The following PIR variants were observed in gnomAD, a reference collection of about 807,000 sequenced individuals.
PIR encodes pirin.
Under a neutral mutation model 24.2 loss-of-function variants are expected in PIR, and 22 were observed. The observed-to-expected ratio is 0.91, with a 90% CI of 0.65 to 1.30. The LOEUF is 1.30. Ranked by LOEUF, PIR falls within the 50% of genes most tolerant of loss-of-function variation. The pLI is 0.00. For missense variants in PIR, 220 were observed against 220.3 expected, an observed-to-expected ratio of 1.00 and a Z score of 0.01; for synonymous variants, 80 against 79.6, an observed-to-expected ratio of 1.00 and a Z score of -0.03.
In PIR at chrX:15,457,322, G is replaced by T. The variant is rs113062218; in HGVS notation, c.274-1268C>A. Among the ~76,000 whole-genome samples, 656 of 111,601 alleles carry T rather than the reference G, an allele frequency of 5.9e-3. 5 individuals carry two copies. The highest frequency in any genetic ancestry group is 0.02 in the African/African-American group (612 of 30,652). On this transcript the variant is annotated intron_variant, in intron 4 of 9. Transcript: ENST00000380420. Reference sequence around the variant, plus strand: ...CCTCAGACAGAGTAACAGCACTTGAGATGGTACTGTACACATACGGGGACC... The same window carrying T: ...CCTCAGACAGAGTAACAGCACTTGATATGGTACTGTACACATACGGGGACC...
At chrX:15,417,585 A>T (rs1204467202) in intron 6 of PIR, among the ~76,000 whole-genome samples, 1 of 111,690 alleles carries the variant, frequency 9.0e-6, no homozygotes, top group Admixed American at 9.5e-5. Flanking sequence ...TAAAGTAACA[A>T]AAATTTTTAT....
At chrX:15,488,464 C>G (rs762983733) in intron 2 of PIR, among the ~76,000 whole-genome samples, 1 of 109,870 alleles carries the variant, frequency 9.1e-6, no homozygotes, top group Non-Finnish European at 1.9e-5. Flanking sequence ...CAAAAATTCA[C>G]GAGTAAGAGA....
intron 8 of PIR, among the ~76,000 whole-genome samples, chrX:15,393,407 TA>T (rs1251686076): frequency 1.8e-5 from 2 of 111,721 alleles, no homozygotes; most frequent in Non-Finnish European, 3.8e-5. Flanking sequence ...ACTATAAATA[TA>T]AAACTCAAGA....
intron 5 of PIR, among the ~76,000 whole-genome samples, chrX:15,445,862 C>A (rs377100114): frequency 1.3e-5 from 1 of 79,386 alleles, no homozygotes; most frequent in East Asian, 4.2e-4. Context: ...CGGAGTCTCG[C>A]TCTGTCGCCC....
At chrX:15,417,106 T>C (rs1290206555) in intron 6 of PIR, among the ~76,000 whole-genome samples, 1 of 108,139 alleles carries the variant, frequency 9.2e-6, no homozygotes, top group Non-Finnish European at 1.9e-5. Context: ...CGCACGACCA[T>C]GCCTGGCTAA....
chrX:15,426,225 T>A (rs1925312977), intron 5 of PIR, among the ~76,000 whole-genome samples: 1 of 111,404 alleles, frequency 9.0e-6, no homozygotes, highest in Non-Finnish European at 1.9e-5. Context: ...GGATGACAGC[T>A]GTCTCCCTAC....
intron 3 of PIR, among the ~76,000 whole-genome samples, chrX:15,461,891 C>T (rs1320073444): frequency 6.2e-5 from 7 of 112,547 alleles, no homozygotes; most frequent in Non-Finnish European, 1.1e-4. Context: ...AAGCCCCATC[C>T]GGCTAATGGC....
intron 2 of PIR, among the ~76,000 whole-genome samples, chrX:15,490,754 A>G (rs1923109554): frequency 8.9e-6 from 1 of 111,783 alleles, no homozygotes; most frequent in African/African-American, 3.3e-5. Flanking sequence ...ATGCTCAACC[A>G]ATCAGATTCT....
At chrX:15,446,955 G>A (rs1227581831) in intron 5 of PIR, among the ~76,000 whole-genome samples, 1 of 112,390 alleles carries the variant, frequency 8.9e-6, no homozygotes, top group East Asian at 2.8e-4. Context: ...AGAACATGCT[G>A]TTCCTTTAAT....
At chrX:15,393,123 A>G (rs1424046509) in intron 8 of PIR, among the ~76,000 whole-genome samples, 1 of 112,168 alleles carries the variant, frequency 8.9e-6, no homozygotes, top group Non-Finnish European at 1.9e-5. Flanking sequence ...TCCACTTACT[A>G]CTTCACCCCA....
At chrX:15,439,196 T>C (rs1229308001) in intron 5 of PIR, among the ~76,000 whole-genome samples, 1 of 112,241 alleles carries the variant, frequency 8.9e-6, no homozygotes, top group Non-Finnish European at 1.9e-5. Flanking sequence ...AGAACTTCAC[T>C]GTCCAATACA....
intron 3 of PIR, among the ~76,000 whole-genome samples, chrX:15,470,249 T>C (rs1039564562): frequency 9.0e-6 from 1 of 111,506 alleles, no homozygotes; most frequent in Non-Finnish European, 1.9e-5. Context: ...CTTTTCAAGA[T>C]TGTTTTGAGG....
intron 4 of PIR, among the ~76,000 whole-genome samples, chrX:15,458,753 G>A (rs41455047): frequency 0.046 from 5,240 of 112,727 alleles, 311 homozygotes; most frequent in African/African-American, 0.16. Flanking sequence ...TATAGTGGTA[G>A]AAGAAGTGTT....
At chrX:15,441,381 G>C (rs1019604653) in intron 5 of PIR, among the ~76,000 whole-genome samples, 10 of 111,522 alleles carry the variant, frequency 9.0e-5, no homozygotes, top group Non-Finnish European at 1.9e-4. Flanking sequence ...CAGTCTAGAA[G>C]ACAGATATGC....
At chrX:15,399,235 A>G (rs747159111) in intron 7 of PIR, among the ~76,000 whole-genome samples, 6 of 112,855 alleles carry the variant, frequency 5.3e-5, no homozygotes, top group Non-Finnish European at 9.4e-5. Flanking sequence ...GGAGCTGAAT[A>G]ATCAATAAGG....
intron 9 of PIR, 27 bp from the exon 10 acceptor site, chrX:15,385,143 G>C (rs372407237): frequency 2.5e-6 from 2 of 789,231 alleles, no homozygotes; most frequent in Non-Finnish European, 1.9e-6. Context: ...CATTCAGAAA[G>C]TTCTGGGTGG....
chrX:15,437,016 T>C (rs987482565), intron 5 of PIR, among the ~76,000 whole-genome samples: 7 of 112,064 alleles, frequency 6.2e-5, no homozygotes, highest in African/African-American at 1.9e-4. Flanking sequence ...CTTCCTTCCA[T>C]GAAAATGAGC....
At chrX:15,405,411 G>C (rs372241376) in intron 7 of PIR, among the ~76,000 whole-genome samples, 181 of 112,195 alleles carry the variant, frequency 1.6e-3, no homozygotes, top group Non-Finnish European at 2.7e-3. Context: ...TGTGAGACAC[G>C]GGCAGGGCTA....
intron 5 of PIR, among the ~76,000 whole-genome samples, chrX:15,454,660 A>T (rs1381675194): frequency 1.8e-5 from 2 of 111,325 alleles, no homozygotes; most frequent in African/African-American, 6.5e-5. Flanking sequence ...ACATCAAAAA[A>T]TTAAAATTTA....
Sources: allele counts gnomAD v4.1 joint callset (sites outside exome capture counted in the v4.1 genomes callset), GRCh38; gene constraint gnomAD v4.1.1; transcripts MANE v1.5; gene names NCBI Gene and HGNC (gene_info 2026-07-23, HGNC 2026-07-21).